Variants in BMPR2 observed in about 807,000 individuals in gnomAD.
BMPR2 encodes bone morphogenetic protein receptor type 2.
Under a neutral mutation model 100.8 loss-of-function variants are expected in BMPR2, and 29 were observed. That is an observed-to-expected ratio of 0.29 (90% CI 0.21 to 0.39). The LOEUF (loss-of-function observed/expected upper bound fraction) is 0.39. BMPR2 is among the 10% of genes least tolerant of loss of function. The probability of loss-of-function intolerance (pLI) is 1.00; values close to 1 mark genes in which losing one functional copy is unlikely to be tolerated. For missense variants in BMPR2, 1,011 were observed against 1,274.5 expected, an observed-to-expected ratio of 0.79 and a Z score of 3.15; for synonymous variants, 382 against 442.3, an observed-to-expected ratio of 0.86 and a Z score of 1.71.
At chr2:202,542,268 A>G (rs781680648) in intron 9 of BMPR2, 43 bp from the exon 10 acceptor site, 1 of 1,606,222 alleles carries the variant, frequency 6.2e-7, no homozygotes, top group South Asian at 1.1e-5. Context: ...CATTTATGAT[A>G]GTTAGAAATT....
At chr2:202,441,870 C>G (rs1436877018) in intron 1 of BMPR2, among the ~76,000 whole-genome samples, 2 of 147,886 alleles carry the variant, frequency 1.4e-5, no homozygotes, top group African/African-American at 5.2e-5. Flanking sequence ...CCATCTCTAC[C>G]AAAAATACAA....
chr2:202,524,526 C>A (rs900184199), intron 7 of BMPR2, among the ~76,000 whole-genome samples: 1 of 152,124 alleles, frequency 6.6e-6, no homozygotes, highest in Non-Finnish European at 1.5e-5. Context: ...TGGCTCACAC[C>A]TGAAATCCCA....
chr2:202,407,748 TCAAAA>T (rs1690931521), intron 1 of BMPR2, among the ~76,000 whole-genome samples: 1 of 150,904 alleles, frequency 6.6e-6, no homozygotes, highest in South Asian at 2.1e-4. Flanking sequence ...GAGTTCCGTC[TCAAAA>T]CAAAAACAAA....
At chr2:202,455,803 C>T (rs1331492833) in intron 1 of BMPR2, among the ~76,000 whole-genome samples, 1 of 151,864 alleles carries the variant, frequency 6.6e-6, no homozygotes, top group Non-Finnish European at 1.5e-5. Flanking sequence ...CGGTGGCTCA[C>T]GCCTGTAATC....
chr2:202,481,498 T>A (rs1021092206), intron 3 of BMPR2, among the ~76,000 whole-genome samples: 2 of 152,148 alleles, frequency 1.3e-5, no homozygotes, highest in African/African-American at 4.8e-5. Flanking sequence ...TTTTCAAGAT[T>A]ATTATGGCTG....
intron 3 of BMPR2, among the ~76,000 whole-genome samples, chr2:202,472,749 A>C (rs1396390419): frequency 6.6e-6 from 1 of 152,236 alleles, no homozygotes; most frequent in Non-Finnish European, 1.5e-5. Context: ...CCTAGGTCTT[A>C]GTTTAGTTTA....
chr2:202,471,628 CATTTTTCAAAAATGCG>C (rs1479695849), intron 3 of BMPR2, among the ~76,000 whole-genome samples: 1 of 151,920 alleles, frequency 6.6e-6, no homozygotes, highest in East Asian at 1.9e-4. Flanking sequence ...AGGGGGATCG[CATTTTTCAAAAATGCG>C]AATGTCATAT....
intron 1 of BMPR2, among the ~76,000 whole-genome samples, chr2:202,384,530 C>CTTTCTT (rs1426768146): frequency 3.4e-4 from 37 of 107,700 alleles, no homozygotes; most frequent in African/African-American, 1.6e-3. Context: ...TTCTTTCTTT[C>CTTTCTT]TCTTTCTTTC....
At chr2:202,484,397 G>A (rs935602045) in intron 3 of BMPR2, among the ~76,000 whole-genome samples, 36 of 145,044 alleles carry the variant, frequency 2.5e-4, no homozygotes, top group African/African-American at 8.0e-4. Context: ...AAATAAGGCC[G>A]GGCGCGGTGG....
intron 1 of BMPR2, among the ~76,000 whole-genome samples, chr2:202,403,073 C>T (rs1330747690): frequency 6.6e-6 from 1 of 151,992 alleles, no homozygotes; most frequent in Non-Finnish European, 1.5e-5. Flanking sequence ...GGTAATCCAC[C>T]CTCCTCGGCC....
intron 1 of BMPR2, among the ~76,000 whole-genome samples, chr2:202,425,555 G>A (rs1175915207): frequency 6.6e-6 from 1 of 152,154 alleles, no homozygotes; most frequent in Admixed American, 6.6e-5. Context: ...GATATGAGGA[G>A]ACAGCTTTAG....
At chr2:202,437,109 G>A (rs564475109) in intron 1 of BMPR2, among the ~76,000 whole-genome samples, 1 of 150,390 alleles carries the variant, frequency 6.6e-6, no homozygotes, top group Non-Finnish European at 1.5e-5. Flanking sequence ...AGGTTCAAGC[G>A]ATTCTTCTGC....
chr2:202,560,925 C>G lies in BMPR2; in HGVS notation c.*979C>G, dbSNP rs573964854. The G allele has an allele frequency of 6.6e-6, 1 of 152,098 alleles. No individual in the cohort carries two copies. The highest frequency in any genetic ancestry group is 2.4e-5 in the African/African-American group (1 of 41,516). 9.4% of individuals were successfully genotyped at this position (152,098 alleles called of 1,614,324 possible). A position where few individuals can be genotyped will look rare whatever the true frequency, so the allele number is the denominator to read the frequency against. ...TTATTGGTAAGCTTATAGAGCTACACTTATGGAATTTTTAAGTAGGTAAAT... is the reference window on the plus strand; with the variant it reads ...TTATTGGTAAGCTTATAGAGCTACAGTTATGGAATTTTTAAGTAGGTAAAT... On this transcript the variant is annotated 3_prime_UTR_variant, in exon 13 of 13. Transcript: ENST00000374580.
intron 1 of BMPR2, among the ~76,000 whole-genome samples, chr2:202,445,648 C>T (rs1039564659): frequency 6.7e-6 from 1 of 150,290 alleles, no homozygotes; most frequent in African/African-American, 2.5e-5. Flanking sequence ...TTGTTATTGC[C>T]TGTCTTTTGC....
At chr2:202,435,373 ATACATATATATATATATAT>A (rs1691594084) in intron 1 of BMPR2, among the ~76,000 whole-genome samples, 1 of 74,110 alleles carries the variant, frequency 1.3e-5, no homozygotes, top group African/African-American at 6.7e-5. Context: ...CAAAAAAAAA[ATACATATATATATATATAT>A]ATATATATAT....
At position 202,563,383 on chromosome 2, in the gene BMPR2, G is replaced by C. The variant is rs1436154258; in HGVS notation, c.*3437G>C. 1 of 152,230 alleles carries C rather than the reference G, an allele frequency of 6.6e-6. No individual in the cohort carries two copies. The highest frequency in any genetic ancestry group is 1.5e-5 in the Non-Finnish European group (1 of 68,120). The allele number at this position is 152,230 out of a possible 1,614,324, so 9.4% of individuals were successfully genotyped here. A position where few individuals can be genotyped will look rare whatever the true frequency, so the allele number is the denominator to read the frequency against. ...ACCCGAGAGGTGGAGGTTGCAGTGA[G>C]CTGAGATCGCGCCACTGCACTGCAG... is the stretch of plus-strand genomic sequence containing the variant. On this transcript the variant is annotated 3_prime_UTR_variant, in exon 13 of 13. Coordinates refer to ENST00000374580, the MANE Select transcript of BMPR2 (RefSeq NM_001204.7).
chr2:202,480,546 A>T (rs1361689111), intron 3 of BMPR2, among the ~76,000 whole-genome samples: 1 of 152,128 alleles, frequency 6.6e-6, no homozygotes, highest in African/African-American at 2.4e-5. Context: ...ATTTTTGTAT[A>T]TGGCATGAGG....
chr2:202,399,249 A>G (rs1227773257), intron 1 of BMPR2, among the ~76,000 whole-genome samples: 1 of 152,238 alleles, frequency 6.6e-6, no homozygotes, highest in African/African-American at 2.4e-5. Flanking sequence ...CTCACATTAG[A>G]TAAAGGGGGT....
chr2:202,432,706 C>T (rs1691531921), intron 1 of BMPR2, among the ~76,000 whole-genome samples: 4 of 150,294 alleles, frequency 2.7e-5, no homozygotes, highest in Admixed American at 2.0e-4. Flanking sequence ...TAAAATGATC[C>T]TAGATTAGAT....
Sources: gnomAD v4.1 joint callset for allele counts (sites outside exome capture counted in the v4.1 genomes callset) on GRCh38, gnomAD v4.1.1 for gene constraint, MANE v1.5 for transcripts, NCBI Gene and HGNC (gene_info 2026-07-23, HGNC 2026-07-21) for gene names.